The following CNTNAP2 variants were observed in gnomAD, a reference collection of about 807,000 sequenced individuals.
CNTNAP2 encodes contactin-associated protein-like 2.
A neutral mutation model predicts 155.2 loss-of-function variants in CNTNAP2; 98 were observed. That is an observed-to-expected ratio of 0.63 (90% CI 0.54 to 0.75). The LOEUF is 0.75. Ranked by LOEUF, CNTNAP2 falls within the 30% of genes least tolerant of loss-of-function variation. The pLI is 0.00. For synonymous variants in CNTNAP2, 651 were observed against 631.2 expected (o/e 1.03, Z -0.47); for missense variants, 1,727 against 1,688.1 (o/e 1.02, Z -0.40).
At chr7:147,370,838 CA>C (rs1387214707) in intron 9 of CNTNAP2, among the ~76,000 whole-genome samples, 1 of 152,000 alleles carries the variant, frequency 6.6e-6, no homozygotes, top group Non-Finnish European at 1.5e-5. Context: ...AATTAAGCTG[CA>C]TTTAGAAAGT....
intron 1 of CNTNAP2, among the ~76,000 whole-genome samples, chr7:146,520,900 C>A (rs973894967): frequency 6.6e-6 from 1 of 151,866 alleles, no homozygotes; most frequent in Non-Finnish European, 1.5e-5. Flanking sequence ...TGTGCAGTTT[C>A]CAGCTTTCAA....
At chr7:148,112,248 CTAAA>C (rs1441081513) in intron 15 of CNTNAP2, among the ~76,000 whole-genome samples, 4 of 151,556 alleles carry the variant, frequency 2.6e-5, no homozygotes, top group African/African-American at 9.7e-5. Flanking sequence ...TTTAAAGAAA[CTAAA>C]TACAAGAAAA....
intron 9 of CNTNAP2, among the ~76,000 whole-genome samples, chr7:147,307,957 A>G (rs1234986681): frequency 6.6e-6 from 1 of 152,228 alleles, no homozygotes; most frequent in Non-Finnish European, 1.5e-5. Flanking sequence ...GGAAGATTAC[A>G]TTCTAGGCCA....
At chr7:148,283,254 A>AAGAAAAG (rs374973083) in intron 21 of CNTNAP2, among the ~76,000 whole-genome samples, 2,893 of 63,556 alleles carry the variant, frequency 0.046, 67 homozygotes, top group East Asian at 0.1. Flanking sequence ...AAAAAAAAAA[A>AAGAAAAG]AAAAGAAAGA....
chr7:147,605,912 T>C (rs1278060984), intron 12 of CNTNAP2, among the ~76,000 whole-genome samples: 1 of 151,738 alleles, frequency 6.6e-6, no homozygotes, highest in Non-Finnish European at 1.5e-5. Flanking sequence ...TCTTTCTCTC[T>C]CTCTGTGTGT....
chr7:148,345,825 G>A (rs544872802), intron 21 of CNTNAP2, among the ~76,000 whole-genome samples: 18 of 152,130 alleles, frequency 1.2e-4, no homozygotes, highest in Non-Finnish European at 1.9e-4. Context: ...CTAAACTTCC[G>A]TATTTTTATT....
chr7:147,024,317 G>A (rs764072352), intron 3 of CNTNAP2, among the ~76,000 whole-genome samples: 12 of 152,010 alleles, frequency 7.9e-5, no homozygotes, highest in Non-Finnish European at 1.8e-4. Context: ...GGTAAAACCT[G>A]TTTATAACAA....
intron 1 of CNTNAP2, among the ~76,000 whole-genome samples, chr7:146,492,677 C>A (rs188594768): frequency 8.4e-4 from 128 of 152,244 alleles, no homozygotes; most frequent in African/African-American, 2.9e-3. Context: ...GCTTTGGTTT[C>A]TCAGTTGCTT....
rs745449281 is a variant in CNTNAP2 at position 146,121,119 on chromosome 7, C to CTTT, written c.97+4171_97+4173dup. On this transcript the variant is annotated intron_variant, in intron 1 of 23. Transcript: ENST00000361727. Reference sequence around the variant, plus strand: ...TGTCTTAAAGTTTACATAAAGCTTCCTTTTTTTTTTTTTTTTTTTTTTTTT... The same window carrying CTTT: ...TGTCTTAAAGTTTACATAAAGCTTCCTTTTTTTTTTTTTTTTTTTTTTTTTTTT... Among the ~76,000 whole-genome samples the CTTT allele has an allele frequency of 5.0e-3, 331 of 65,772 alleles. 40 individuals are homozygous for CTTT. Among genetic ancestry groups the CTTT allele is most frequent in the African/African-American group, 0.016 (311 of 19,260 alleles). 43.1% of individuals were successfully genotyped at this position (65,772 alleles called of 152,430 possible).
intron 12 of CNTNAP2, among the ~76,000 whole-genome samples, chr7:147,594,221 G>T (rs553216428): frequency 6.0e-5 from 9 of 149,336 alleles, no homozygotes; most frequent in Non-Finnish European, 1.2e-4. Flanking sequence ...CCACTTCCCG[G>T]GTTAAGCGAC....
intron 3 of CNTNAP2, among the ~76,000 whole-genome samples, chr7:146,894,759 A>C (rs909045932): frequency 6.6e-6 from 1 of 152,090 alleles, no homozygotes; most frequent in Non-Finnish European, 1.5e-5. Context: ...CTGGTGTTTC[A>C]TGTAGGTTAA....
At chr7:148,077,306 CA>C (rs57228380) in intron 15 of CNTNAP2, among the ~76,000 whole-genome samples, 8,907 of 139,410 alleles carry the variant, frequency 0.064, 310 homozygotes, top group Admixed American at 0.13. Context: ...GACTTCATCT[CA>C]AAAAAAAAAA....
intron 3 of CNTNAP2, among the ~76,000 whole-genome samples, chr7:147,042,286 G>T (rs1448497680): frequency 2.0e-5 from 3 of 152,192 alleles, no homozygotes; most frequent in African/African-American, 7.2e-5. Flanking sequence ...ACATGTAATT[G>T]TCCATGTTAT....
intron 1 of CNTNAP2, among the ~76,000 whole-genome samples, chr7:146,304,319 TA>T (rs1281734625): frequency 6.6e-6 from 1 of 152,144 alleles, no homozygotes; most frequent in Non-Finnish European, 1.5e-5. Context: ...ATTGTGATGT[TA>T]GCTGGCTCTT....
chr7:147,437,035 A>G (rs1797560598), intron 10 of CNTNAP2, among the ~76,000 whole-genome samples: 1 of 152,072 alleles, frequency 6.6e-6, no homozygotes, highest in Non-Finnish European at 1.5e-5. Flanking sequence ...GGAAGCCTGT[A>G]TAAAGTTTAG....
In CNTNAP2 at chr7:146,537,992, T is replaced by C. The variant is rs1480238142; in HGVS notation, c.98-236279T>C. Reference sequence around the variant, plus strand: ...CAGGAATAACATAATCTGATTTACATTTGAAAAGGATTATTCTAGTACTAT... The same window carrying C: ...CAGGAATAACATAATCTGATTTACACTTGAAAAGGATTATTCTAGTACTAT... On this transcript the variant is annotated intron_variant, in intron 1 of 23. Coordinates refer to ENST00000361727, the MANE Select transcript of CNTNAP2 (RefSeq NM_014141.6). Among the ~76,000 whole-genome samples, 3 of 152,164 alleles carry C rather than the reference T, an allele frequency of 2.0e-5. No individual in the cohort carries two copies. In the South Asian group the frequency reaches 6.2e-4, roughly 32 times the overall value.
intron 18 of CNTNAP2, among the ~76,000 whole-genome samples, chr7:148,203,738 C>CA (rs143283384): frequency 0.089 from 13,308 of 149,900 alleles, 682 homozygotes; most frequent in East Asian, 0.21. Context: ...GAGTACATCT[C>CA]AAAAAAAAGA....
chr7:146,370,416 G>A (rs1795218299), intron 1 of CNTNAP2, among the ~76,000 whole-genome samples: 1 of 151,458 alleles, frequency 6.6e-6, no homozygotes, highest in African/African-American at 2.4e-5. Context: ...CCAGCCTGGG[G>A]GACAGAGCGA....
At chr7:147,485,509 G>A (rs1477885209) in intron 10 of CNTNAP2, among the ~76,000 whole-genome samples, 1 of 152,116 alleles carries the variant, frequency 6.6e-6, no homozygotes, top group Non-Finnish European at 1.5e-5. Context: ...AACTCAAATT[G>A]CTATGAAAAA....
Sources: allele counts gnomAD v4.1 joint callset (sites outside exome capture counted in the v4.1 genomes callset), GRCh38; gene constraint gnomAD v4.1.1; transcripts MANE v1.5; gene names NCBI Gene and HGNC (gene_info 2026-07-23, HGNC 2026-07-21).